The following CPNE4 variants were observed in gnomAD, a reference collection of about 807,000 sequenced individuals.
The protein encoded by CPNE4 is copine-4.
CPNE4 carries 25 observed loss-of-function variants against 67.9 expected under a neutral mutation model. That is an observed-to-expected ratio of 0.37 (90% confidence interval 0.27 to 0.51). The LOEUF is 0.51. CPNE4 is among the 20% of genes least tolerant of loss of function. CPNE4 has a pLI of 0.93. For synonymous variants in CPNE4, 242 were observed against 244.9 expected (o/e 0.99, Z 0.11); for missense variants, 464 against 690.8 (o/e 0.67, Z 3.68).
chr3:131,883,418 C>T (rs9844804), intron 2 of CPNE4, among the ~76,000 whole-genome samples: 43,708 of 151,980 alleles, frequency 0.29, 7,334 homozygotes, highest in Non-Finnish European at 0.37. Context: ...CTGTTATCTT[C>T]TCCATGGCTA....
chr3:131,997,858 A>G (rs989928628), intron 1 of CPNE4, among the ~76,000 whole-genome samples: 1 of 152,048 alleles, frequency 6.6e-6, no homozygotes, highest in African/African-American at 2.4e-5. Flanking sequence ...AAAGGTAGAA[A>G]GTTTTTGAGT....
chr3:131,651,749 G>T (rs958741809), intron 7 of CPNE4, among the ~76,000 whole-genome samples: 1 of 152,142 alleles, frequency 6.6e-6, no homozygotes, highest in African/African-American at 2.4e-5. Flanking sequence ...ACAGTTCCTG[G>T]CACACAGTAG....
intron 2 of CPNE4, among the ~76,000 whole-genome samples, chr3:131,782,973 C>A (rs979613193): frequency 6.6e-6 from 1 of 151,978 alleles, no homozygotes; most frequent in African/African-American, 2.4e-5. Context: ...GTCAAGGAGA[C>A]AATCTGCTTA....
chr3:131,880,843 C>T (rs906611306), intron 2 of CPNE4, among the ~76,000 whole-genome samples: 2 of 152,216 alleles, frequency 1.3e-5, no homozygotes, highest in African/African-American at 4.8e-5. Flanking sequence ...GCTTTGAACA[C>T]AAGATGCGTT....
chr3:131,941,679 A>G (rs2071393354), intron 1 of CPNE4, among the ~76,000 whole-genome samples: 1 of 152,142 alleles, frequency 6.6e-6, no homozygotes, highest in African/African-American at 2.4e-5. Flanking sequence ...CTTCTGGTTT[A>G]GAGCATACAT....
chr3:131,573,898 G>A (rs116531595), intron 10 of CPNE4, among the ~76,000 whole-genome samples: 7 of 152,134 alleles, frequency 4.6e-5, no homozygotes, highest in East Asian at 1.9e-4. Context: ...TCCTGTAAGC[G>A]TTCAGAAATA....
chr3:131,545,864 C>A (rs1172754888), intron 14 of CPNE4, among the ~76,000 whole-genome samples: 1 of 152,134 alleles, frequency 6.6e-6, no homozygotes, highest in Non-Finnish European at 1.5e-5. Flanking sequence ...GAGATCAAGA[C>A]CATCTTGGCC....
chr3:131,706,983 G>A (rs1046435251), intron 3 of CPNE4, among the ~76,000 whole-genome samples: 5 of 152,032 alleles, frequency 3.3e-5, no homozygotes, highest in East Asian at 1.9e-4. Flanking sequence ...CTAAAATGTT[G>A]TAGCCTGACC....
chr3:131,892,272 C>T (rs1042025059), intron 2 of CPNE4, among the ~76,000 whole-genome samples: 2 of 152,104 alleles, frequency 1.3e-5, no homozygotes, highest in African/African-American at 2.4e-5. Context: ...AGCTTAACTA[C>T]CTCTTACCCT....
chr3:131,698,909 CAA>C (rs750798265), intron 4 of CPNE4, among the ~76,000 whole-genome samples: 3,876 of 87,038 alleles, frequency 0.045, 38 homozygotes, highest in African/African-American at 0.065. Flanking sequence ...GACACTGTCT[CAA>C]AAAAAAAAAA....
At chr3:131,540,136 C>A (rs769039702) in intron 15 of CPNE4, among the ~76,000 whole-genome samples, 3 of 152,146 alleles carry the variant, frequency 2.0e-5, no homozygotes, top group Admixed American at 6.5e-5. Flanking sequence ...CATGCACAGC[C>A]CTGGGAGCTT....
At chr3:131,576,858 C>G (rs1419761787) in intron 9 of CPNE4, among the ~76,000 whole-genome samples, 4 of 151,934 alleles carry the variant, frequency 2.6e-5, no homozygotes, top group Non-Finnish European at 5.9e-5. Context: ...TATGTGAGAC[C>G]TGACCCTAGG....
chr3:131,958,459 C>T (rs1050324501), intron 1 of CPNE4, among the ~76,000 whole-genome samples: 13 of 152,116 alleles, frequency 8.5e-5, no homozygotes, highest in African/African-American at 2.7e-4. Context: ...GCTGTTTCAG[C>T]AAGCTCCCTA....
intron 1 of CPNE4, among the ~76,000 whole-genome samples, chr3:132,030,701 T>G (rs1455140925): frequency 1.3e-5 from 2 of 152,206 alleles, no homozygotes; most frequent in East Asian, 3.8e-4. Context: ...TGTGCTGATT[T>G]AGGAGAAAAT....
chr3:131,751,516 T>C (rs11916535), intron 2 of CPNE4, among the ~76,000 whole-genome samples: 42,686 of 139,944 alleles, frequency 0.31, 6,089 homozygotes, highest in Middle Eastern at 0.39. Context: ...CTTCTATTTC[T>C]TTGCTGAGGT....
chr3:131,679,485 G>C (rs2080680137), intron 6 of CPNE4, among the ~76,000 whole-genome samples: 1 of 152,000 alleles, frequency 6.6e-6, no homozygotes, highest in African/African-American at 2.4e-5. Context: ...GGATTTGTTT[G>C]ATCTTGGTTC....
intron 7 of CPNE4, among the ~76,000 whole-genome samples, chr3:131,615,543 G>A (rs1466896675): frequency 6.6e-6 from 1 of 152,142 alleles, no homozygotes; most frequent in African/African-American, 2.4e-5. Flanking sequence ...ATGAATAATA[G>A]AGTGGTATAG....
intron 6 of CPNE4, among the ~76,000 whole-genome samples, chr3:131,681,460 C>G (rs980863515): frequency 6.6e-6 from 1 of 152,174 alleles, no homozygotes; most frequent in African/African-American, 2.4e-5. Context: ...CACTCTCCCC[C>G]GGTCTTTAAG....
At chr3:132,014,420 G>A (rs1431185552) in intron 1 of CPNE4, among the ~76,000 whole-genome samples, 2 of 152,114 alleles carry the variant, frequency 1.3e-5, no homozygotes, top group Admixed American at 1.3e-4. Flanking sequence ...AGTGACCGAG[G>A]TAAGGGCTAG....
Sources: gnomAD v4.1 joint callset for allele counts (sites outside exome capture counted in the v4.1 genomes callset) on GRCh38, gnomAD v4.1.1 for gene constraint, MANE v1.5 for transcripts, NCBI Gene and HGNC (gene_info 2026-07-23, HGNC 2026-07-21) for gene names.